The following TENM3 variants were observed in gnomAD, a reference collection of about 807,000 sequenced individuals.
The protein encoded by TENM3 is teneurin-3.
Under a neutral mutation model 255.1 loss-of-function variants are expected in TENM3, and 63 were observed. The observed-to-expected ratio is 0.25, with a 90% CI of 0.20 to 0.30. The LOEUF (loss-of-function observed/expected upper bound fraction) is 0.30, where lower values mean the gene tolerates loss of function less well. Among genes scored for constraint, TENM3 ranks in the 10% least tolerant of loss-of-function variants. The probability of loss-of-function intolerance (pLI) is 1.00; values close to 1 mark genes in which losing one functional copy is unlikely to be tolerated. For synonymous variants in TENM3, 1,306 were observed against 1,322.3 expected, an observed-to-expected ratio of 0.99 and a Z score of 0.27; for missense variants, 2,929 against 3,461.1, an observed-to-expected ratio of 0.85 and a Z score of 3.86.
chr4:181,680,861 T>A, the TENM3 span, among the ~76,000 whole-genome samples: 1 of 152,090 alleles, frequency 6.6e-6, no homozygotes, highest in East Asian at 1.9e-4. Context: ...AATTTCCATC[T>A]CAATTATCCA....
At chr4:181,508,005 G>A in the TENM3 span, among the ~76,000 whole-genome samples, 360 of 152,326 alleles carry the variant, frequency 2.4e-3, 2 homozygotes, top group African/African-American at 8.1e-3. Flanking sequence ...TGAGATGAAA[G>A]TCTAATTATC....
chr4:181,471,322 C>T, the TENM3 span, among the ~76,000 whole-genome samples: 1 of 152,182 alleles, frequency 6.6e-6, no homozygotes, highest in Non-Finnish European at 1.5e-5. Context: ...TCAGATTCCA[C>T]ATCCACTTTG....
intron 11 of TENM3, among the ~76,000 whole-genome samples, chr4:182,686,403 T>G (rs1425376465): frequency 6.6e-6 from 1 of 152,112 alleles, no homozygotes; most frequent in Non-Finnish European, 1.5e-5. Context: ...AAAAGCACTG[T>G]TAATTTACAT....
chr4:182,297,087 C>G (rs1410754260), intron 1 of TENM3, among the ~76,000 whole-genome samples: 1 of 152,170 alleles, frequency 6.6e-6, no homozygotes, highest in Non-Finnish European at 1.5e-5. Context: ...TATTATTCAC[C>G]TCCTTATGAG....
At chr4:182,553,764 C>A (rs1580917098) in intron 3 of TENM3, among the ~76,000 whole-genome samples, 1 of 152,198 alleles carries the variant, frequency 6.6e-6, no homozygotes, top group Non-Finnish European at 1.5e-5. Flanking sequence ...ACTCGGGTTA[C>A]TATCTAAACC....
At chr4:182,606,855 T>C (rs900261633) in intron 4 of TENM3, among the ~76,000 whole-genome samples, 1 of 152,232 alleles carries the variant, frequency 6.6e-6, no homozygotes, top group African/African-American at 2.4e-5. Flanking sequence ...AGCTCTCAAA[T>C]GAAGGTCATT....
At chr4:181,879,291 G>A in the TENM3 span, among the ~76,000 whole-genome samples, 1 of 152,152 alleles carries the variant, frequency 6.6e-6, no homozygotes, top group East Asian at 1.9e-4. Flanking sequence ...GGGGGAGGGA[G>A]AGAAAGTAGA....
chr4:181,501,310 C>T, the TENM3 span, among the ~76,000 whole-genome samples: 1 of 151,896 alleles, frequency 6.6e-6, no homozygotes, highest in African/African-American at 2.4e-5. Context: ...CTTGCCCTGG[C>T]TCCAAGCCCT....
At chr4:182,548,301 C>A (rs753213285) in intron 3 of TENM3, among the ~76,000 whole-genome samples, 1 of 152,086 alleles carries the variant, frequency 6.6e-6, no homozygotes, top group Non-Finnish European at 1.5e-5. Flanking sequence ...AGAATTTTTG[C>A]AATCCAAACC....
At chr4:182,773,374 C>T in intron 22 of TENM3, 98 bp from the exon 23 acceptor site, 5 of 1,128,690 alleles carry the variant, frequency 4.4e-6, no homozygotes, top group Middle Eastern at 2.1e-4. Context: ...AAATAGTCCT[C>T]CAAATTTGTG....
At chr4:182,093,126 T>G in the TENM3 span, among the ~76,000 whole-genome samples, 1 of 152,262 alleles carries the variant, frequency 6.6e-6, no homozygotes, top group African/African-American at 2.4e-5. Context: ...CATACACTGA[T>G]TACTCCCCCT....
chr4:182,705,770 T>C (rs946171504), intron 12 of TENM3, among the ~76,000 whole-genome samples: 1 of 152,200 alleles, frequency 6.6e-6, no homozygotes, highest in Non-Finnish European at 1.5e-5. Flanking sequence ...TCAGCAGATA[T>C]TTCTCGTCCA....
the TENM3 span, among the ~76,000 whole-genome samples, chr4:181,844,241 A>T: frequency 6.6e-6 from 1 of 152,140 alleles, no homozygotes; most frequent in African/African-American, 2.4e-5. Context: ...TTGGGGATTA[A>T]GTTTTCAGCG....
intron 25 of TENM3, among the ~76,000 whole-genome samples, chr4:182,790,331 T>G (rs754730607): frequency 1.3e-5 from 2 of 152,164 alleles, no homozygotes; most frequent in Non-Finnish European, 2.9e-5. Context: ...GAGGAACTCT[T>G]GTCACCCAAA....
At chr4:182,280,504 T>C (rs1411683330) in intron 1 of TENM3, among the ~76,000 whole-genome samples, 2 of 152,234 alleles carry the variant, frequency 1.3e-5, no homozygotes, top group Non-Finnish European at 2.9e-5. Flanking sequence ...ACCAAAATTT[T>C]AGAATAGATA....
chr4:182,368,123 C>T (rs933479364), intron 3 of TENM3, among the ~76,000 whole-genome samples: 2 of 152,152 alleles, frequency 1.3e-5, no homozygotes, highest in South Asian at 2.1e-4. Flanking sequence ...AATCTCAAAA[C>T]AATCACAACA....
chr4:182,566,941 A>G (rs1347728748), intron 3 of TENM3, among the ~76,000 whole-genome samples: 2 of 152,200 alleles, frequency 1.3e-5, no homozygotes, highest in African/African-American at 4.8e-5. Flanking sequence ...ATTGGTATAT[A>G]AAGGAGGCCA....
chr4:181,551,869 T>A, the TENM3 span, among the ~76,000 whole-genome samples: 1 of 144,826 alleles, frequency 6.9e-6, no homozygotes, highest in Non-Finnish European at 1.5e-5. Flanking sequence ...TGTGTGTGTG[T>A]GTGTGTGTGT....
chr4:182,403,120 T>C (rs1769317409), intron 3 of TENM3, among the ~76,000 whole-genome samples: 1 of 152,206 alleles, frequency 6.6e-6, no homozygotes, highest in Admixed American at 6.5e-5. Flanking sequence ...GCTGGGCTCT[T>C]CAATATTTCT....
Sources: allele counts gnomAD v4.1 joint callset (sites outside exome capture counted in the v4.1 genomes callset), GRCh38; gene constraint gnomAD v4.1.1; transcripts MANE v1.5; gene names NCBI Gene and HGNC (gene_info 2026-07-23, HGNC 2026-07-21).